ATP10B: variants seen among roughly 807,000 people sequenced by gnomAD.
The protein encoded by ATP10B is ATPase phospholipid transporting 10B (putative).
In ATP10B, 122 loss-of-function variants were observed where a neutral mutation model predicts 141.2. The ratio of observed to expected loss-of-function variants is 0.86; its 90% confidence interval spans 0.75 to 1.00. ATP10B has a LOEUF of 1.00. Among genes scored for constraint, ATP10B ranks in the 50% least tolerant of loss-of-function variants. ATP10B has a pLI of 0.00. For missense variants in ATP10B, 1,876 were observed against 1,825.3 expected (o/e 1.03, Z -0.51); for synonymous variants, 685 against 692.0 (o/e 0.99, Z 0.16).
At chr5:160,756,422 T>A (rs531185979) in intron 2 of ATP10B, among the ~76,000 whole-genome samples, 3 of 152,226 alleles carry the variant, frequency 2.0e-5, no homozygotes. Flanking sequence ...ATAGTAGGTA[T>A]ATGTTTAACT....
chr5:160,841,956 C>T (rs924209476), intron 1 of ATP10B, among the ~76,000 whole-genome samples: 1 of 152,138 alleles, frequency 6.6e-6, no homozygotes, highest in Non-Finnish European at 1.5e-5. Flanking sequence ...AACTCCTGAC[C>T]TCAGGTGATC....
chr5:160,658,393 G>A (rs765630733), intron 7 of ATP10B, among the ~76,000 whole-genome samples: 13 of 152,038 alleles, frequency 8.6e-5, no homozygotes, highest in Admixed American at 2.0e-4. Context: ...AGAGACAGAG[G>A]GTATTAAGCC....
At chr5:160,644,702 C>T (rs1317424888) in intron 8 of ATP10B, among the ~76,000 whole-genome samples, 1 of 152,114 alleles carries the variant, frequency 6.6e-6, no homozygotes, top group African/African-American at 2.4e-5. Flanking sequence ...CAGGAAGTTA[C>T]CCTATATGGT....
At chr5:160,864,140 A>G in the ATP10B span, among the ~76,000 whole-genome samples, 1 of 151,988 alleles carries the variant, frequency 6.6e-6, no homozygotes, top group Non-Finnish European at 1.5e-5. Flanking sequence ...AAAAATAGGA[A>G]AACTACAGAC....
the ATP10B span, among the ~76,000 whole-genome samples, chr5:160,915,628 G>A: frequency 6.6e-6 from 1 of 152,186 alleles, no homozygotes; most frequent in South Asian, 2.1e-4. Context: ...CACAGCGCCC[G>A]GCCCCACTGA....
At chr5:160,652,245 CT>C (rs1249533328) in intron 7 of ATP10B, among the ~76,000 whole-genome samples, 4 of 151,946 alleles carry the variant, frequency 2.6e-5, no homozygotes, top group Non-Finnish European at 5.9e-5. Context: ...TACTTGTCCC[CT>C]GGGCTCTCTT....
chr5:160,695,348 A>C (rs1764296242), intron 3 of ATP10B, among the ~76,000 whole-genome samples: 1 of 141,158 alleles, frequency 7.1e-6, no homozygotes, highest in Non-Finnish European at 1.5e-5. Context: ...TTTATTTAAT[A>C]CCACAAAAGA....
intron 2 of ATP10B, among the ~76,000 whole-genome samples, chr5:160,770,128 CTCTT>C (rs1267813791): frequency 6.6e-6 from 1 of 152,002 alleles, no homozygotes; most frequent in Non-Finnish European, 1.5e-5. Context: ...TTGTTTCTGT[CTCTT>C]TCTCTCTGTG....
chr5:160,888,035 G>A, the ATP10B span, among the ~76,000 whole-genome samples: 1 of 152,226 alleles, frequency 6.6e-6, no homozygotes, highest in Non-Finnish European at 1.5e-5. Flanking sequence ...TTTGTTTAAT[G>A]TATTGCATAA....
At chr5:160,583,554 C>T (rs1466402879) in intron 24 of ATP10B, among the ~76,000 whole-genome samples, 2 of 152,208 alleles carry the variant, frequency 1.3e-5, no homozygotes, top group Non-Finnish European at 2.9e-5. Flanking sequence ...ACAGTCTGTC[C>T]CTTAGCAGAG....
chr5:160,653,027 T>C (rs1264029648), intron 7 of ATP10B, among the ~76,000 whole-genome samples: 2 of 112,672 alleles, frequency 1.8e-5, no homozygotes, highest in South Asian at 2.4e-4. Context: ...ATTATATATT[T>C]ATATATTTAT....
chr5:160,772,530 C>T (rs1050655756), intron 2 of ATP10B, among the ~76,000 whole-genome samples: 2 of 152,080 alleles, frequency 1.3e-5, no homozygotes, highest in African/African-American at 4.8e-5. Context: ...GATGTGGGGG[C>T]ATGAGGATGG....
intron 24 of ATP10B, among the ~76,000 whole-genome samples, chr5:160,571,568 C>G (rs1369856147): frequency 2.0e-5 from 3 of 152,088 alleles, no homozygotes; most frequent in Non-Finnish European, 4.4e-5. Flanking sequence ...TGGACTCATT[C>G]TTTTATGAGG....
intron 5 of ATP10B, among the ~76,000 whole-genome samples, chr5:160,687,485 C>T (rs113066370): frequency 2.7e-4 from 41 of 152,188 alleles, no homozygotes; most frequent in African/African-American, 8.2e-4. Flanking sequence ...TATTGGTGGC[C>T]GGGTGTGGTG....
intron 22 of ATP10B, 128 bp from the exon 23 acceptor site, chr5:160,591,267 T>C (rs1246948820): frequency 1.0e-5 from 7 of 678,682 alleles, no homozygotes; most frequent in Admixed American, 2.9e-5. Context: ...TTTGTGGTAG[T>C]AGAATGGAGT....
chr5:160,872,916 G>A, the ATP10B span, among the ~76,000 whole-genome samples: 9 of 152,108 alleles, frequency 5.9e-5, no homozygotes, highest in African/African-American at 1.4e-4. Flanking sequence ...GAAGAACGAC[G>A]GTGGTATTTT....
chr5:160,579,754 G>A (rs1009634582), intron 24 of ATP10B, among the ~76,000 whole-genome samples: 3 of 152,156 alleles, frequency 2.0e-5, no homozygotes, highest in African/African-American at 7.2e-5. Context: ...ATTAATTTGG[G>A]CAGTATGGCC....
intron 1 of ATP10B, among the ~76,000 whole-genome samples, chr5:160,815,601 T>C (rs1479653127): frequency 6.6e-6 from 1 of 152,074 alleles, no homozygotes; most frequent in East Asian, 1.9e-4. Context: ...ATTAGACAGA[T>C]CAACGAGACA....
intron 2 of ATP10B, among the ~76,000 whole-genome samples, chr5:160,748,361 C>T (rs1767946226): frequency 6.6e-6 from 1 of 152,206 alleles, no homozygotes; most frequent in Admixed American, 6.5e-5. Flanking sequence ...TTCCCTTCCT[C>T]ATTGCTTAAT....
Sources: gnomAD v4.1 joint callset for allele counts (sites outside exome capture counted in the v4.1 genomes callset) on GRCh38, gnomAD v4.1.1 for gene constraint, MANE v1.5 for transcripts, NCBI Gene and HGNC (gene_info 2026-07-23, HGNC 2026-07-21) for gene names.